The following MSL2 variants were observed in gnomAD, a reference collection of about 807,000 sequenced individuals.
The protein encoded by MSL2 is MSL complex subunit 2, also known as E3 ubiquitin-protein ligase MSL2.
Under a neutral mutation model 35.8 loss-of-function variants are expected in MSL2, and 2 were observed. That is an observed-to-expected ratio of 0.06 (90% CI 0.02 to 0.18). MSL2 has a LOEUF of 0.18. MSL2 is among the 10% of genes least tolerant of loss of function. The pLI is 1.00. For synonymous variants in MSL2, 296 were observed against 255.7 expected (o/e 1.16, Z -1.50); for missense variants, 523 against 706.7 (o/e 0.74, Z 2.95).
chr3:136,158,109 C>T (rs1353964713), intron 1 of MSL2, among the ~76,000 whole-genome samples: 2 of 152,002 alleles, frequency 1.3e-5, no homozygotes, highest in African/African-American at 4.8e-5. Context: ...GTGGGGAGTT[C>T]GAGACCAGCC....
intron 1 of MSL2, among the ~76,000 whole-genome samples, chr3:136,186,554 T>C (rs1447699269): frequency 1.3e-5 from 2 of 152,168 alleles, no homozygotes; most frequent in Non-Finnish European, 2.9e-5. Context: ...CTGTCAGATC[T>C]GCAGTGGCAT....
chr3:136,177,686 A>T (rs1299750610), intron 1 of MSL2, among the ~76,000 whole-genome samples: 3 of 150,816 alleles, frequency 2.0e-5, no homozygotes, highest in African/African-American at 7.3e-5. Context: ...CTCATAAAAA[A>T]AAAAAAAAAA....
chr3:136,152,232 T>C lies in MSL2; in HGVS notation c.649A>G (p.Thr217Ala), dbSNP rs1473024267. 3 of 1,614,170 alleles carry C rather than the reference T, an allele frequency of 1.9e-6. No individual in the cohort carries two copies. Among genetic ancestry groups the C allele is most frequent in the South Asian group, 2.2e-5 (2 of 91,082 alleles). ...TCAACAGTATTACATACGTCAATCG[T>C]ATTTGAATGTTCAGGTGAAGGAATA... ...INIPSPEHSNTIDVCNTVDIK... is the reference protein window; with the variant it reads ...INIPSPEHSNAIDVCNTVDIK... The change falls in exon 2 of 2, where the codon ACG becomes GCG. Residue 217 changes from threonine (T) to alanine (A), a missense_variant. Transcript: ENST00000309993.
chr3:136,159,501 C>T lies in MSL2; in HGVS notation c.143-6763G>A, dbSNP rs1240129037. Reference sequence around the variant, plus strand: ...GCCTCAGCCTCCCGAGTAGCTGGGACTACAGGCGCCCGCCACCACGCCCAG... The same window carrying T: ...GCCTCAGCCTCCCGAGTAGCTGGGATTACAGGCGCCCGCCACCACGCCCAG... On this transcript the variant is annotated intron_variant, in intron 1 of 1. Coordinates refer to ENST00000309993, the MANE Select transcript of MSL2 (RefSeq NM_018133.4). Among the ~76,000 whole-genome samples the T allele has an allele frequency of 5.3e-5, 8 of 149,822 alleles. No individual in the cohort carries two copies. In the South Asian group the frequency reaches 1.7e-3, roughly 31 times the overall value.
chr3:136,157,283 A>G (rs9865841), intron 1 of MSL2, among the ~76,000 whole-genome samples: 94,013 of 135,048 alleles, frequency 0.7, 31,689 homozygotes, highest in East Asian at 0.86. Flanking sequence ...AAGGCGGGCC[A>G]ATCACCTGAG....
rs893446714 is a variant in MSL2, at chr3:136,152,089, G to A, written c.792C>T (p.Asp264=). The A allele has an allele frequency of 1.2e-6, 2 of 1,614,032 alleles. No homozygotes were observed. The highest frequency in any genetic ancestry group is 2.7e-5 in the African/African-American group (2 of 74,928). Residue 264 remains aspartate, a synonymous_variant, in exon 2 of 2, where the codon GAC becomes GAT. Transcript: ENST00000309993. ...CSFSEDIKPG[D]SLLLSVEEVL... ...CTTCCTCAACACTCAGTAACAGAGA[G>A]TCTCCAGGTTTTATATCTTCACTGA... is the stretch of plus-strand genomic sequence containing the variant.
Position 136,150,746 on chromosome 3 carries a change from T to C in MSL2, c.*401A>G, listed in dbSNP as rs1052239361. ...GGCAGCACTGAGTTTCCTGAACTAA[T>C]GGCTACTTTTCCACAAAAAAATTAG... On this transcript the variant is annotated 3_prime_UTR_variant, in exon 2 of 2. Coordinates refer to ENST00000309993, the MANE Select transcript of MSL2 (RefSeq NM_018133.4). The C allele has an allele frequency of 5.6e-6, 1 of 179,970 alleles. No individual in the cohort carries two copies. The highest frequency in any genetic ancestry group is 2.4e-5 in the African/African-American group (1 of 42,338). 11.1% of individuals were successfully genotyped at this position (179,970 alleles called of 1,614,324 possible). A position where few individuals can be genotyped will look rare whatever the true frequency, so the allele number is the denominator to read the frequency against.
chr3:136,194,150 G>A (rs967281566), intron 1 of MSL2, among the ~76,000 whole-genome samples: 3 of 152,080 alleles, frequency 2.0e-5, no homozygotes, highest in Admixed American at 6.6e-5. Flanking sequence ...CCTTTCTTTT[G>A]TATTAACGTT....
chr3:136,194,964 CG>C lies in MSL2; in HGVS notation c.142+7del, dbSNP rs1940794640. ...GCATTGAAAAGGGAACAATAAAAAGCGTCTCACCGCAAACACAGCACGAAAG... is the reference window on the plus strand; with the variant it reads ...GCATTGAAAAGGGAACAATAAAAAGCTCTCACCGCAAACACAGCACGAAAG... On this transcript the variant is annotated splice_region_variant and intron_variant, in intron 1 of 1. Transcript: ENST00000309993. 1 of 1,613,362 alleles carries C rather than the reference CG, an allele frequency of 6.2e-7. No individual in the cohort carries two copies. Among genetic ancestry groups the C allele is most frequent in the Admixed American group, 1.7e-5 (1 of 59,690 alleles).
chr3:136,189,036 T>C (rs1940603218), intron 1 of MSL2, among the ~76,000 whole-genome samples: 1 of 148,182 alleles, frequency 6.7e-6, no homozygotes. Context: ...CTTTTATAGA[T>C]TTTTCTTAGG....
At chr3:136,189,643 G>A (rs1940627202) in intron 1 of MSL2, among the ~76,000 whole-genome samples, 1 of 149,988 alleles carries the variant, frequency 6.7e-6, no homozygotes, top group Non-Finnish European at 1.5e-5. Flanking sequence ...AGAATGGCGT[G>A]TACCCGGGAG....
Position 136,152,046 on chromosome 3 carries a change from T to G in MSL2, c.835A>C (p.Thr279Pro), listed in dbSNP as rs1450408192. The G allele has an allele frequency of 6.2e-7, 1 of 1,614,024 alleles. No homozygotes were observed. Among genetic ancestry groups the G allele is most frequent in the Non-Finnish European group, 8.5e-7 (1 of 1,180,046 alleles). Residue 279 changes from threonine to proline, a missense_variant, in exon 2 of 2, where the codon ACT becomes CCT. This residue lies in a region of MSL2 where 361 missense variants were observed against 414.6 expected (regional missense o/e 0.87). Coordinates refer to ENST00000309993, the MANE Select transcript of MSL2 (RefSeq NM_018133.4). ...SVEEVLRSLE[T>P]VSNTEVCCPN... ...CAACAGACCTCTGTATTTGAAACAG[T>G]TTCTAAGCTGCGGAGTACTTCCTCA...
Position 136,195,534 on chromosome 3 carries a change from C to G in MSL2, c.-421G>C, listed in dbSNP as rs1940813545. On this transcript the variant is annotated 5_prime_UTR_variant, in exon 1 of 2. Coordinates refer to ENST00000309993, the MANE Select transcript of MSL2 (RefSeq NM_018133.4). ...TGGCAGGCGCGGGAGCAGGCCCCGG[C>G]CCCGTCTGAGGCGCGGCACGCTTCT... The G allele has an allele frequency of 9.9e-7, 1 of 1,007,170 alleles. No individual in the cohort carries two copies. The highest frequency in any genetic ancestry group is 1.2e-6 in the Non-Finnish European group (1 of 844,286). The allele number at this position is 1,007,170 out of a possible 1,614,324, so 62.4% of individuals were successfully genotyped here.
intron 1 of MSL2, among the ~76,000 whole-genome samples, chr3:136,177,032 G>A (rs1227919433): frequency 6.6e-6 from 1 of 152,126 alleles, no homozygotes; most frequent in African/African-American, 2.4e-5. Flanking sequence ...GCCCAAGTCT[G>A]TTTTTCTTCT....
chr3:136,186,424 C>T (rs531095676), intron 1 of MSL2, among the ~76,000 whole-genome samples: 68 of 152,306 alleles, frequency 4.5e-4, no homozygotes, highest in Admixed American at 2.3e-3. Context: ...GGACAGGCTC[C>T]GGTCCTTGGC....
chr3:136,183,645 C>A (rs1207583309), intron 1 of MSL2, among the ~76,000 whole-genome samples: 1 of 152,054 alleles, frequency 6.6e-6, no homozygotes, highest in East Asian at 1.9e-4. Context: ...CTAGAAAAAT[C>A]AAAGTTATTA....
At chr3:136,187,936 T>C (rs1044125895) in intron 1 of MSL2, among the ~76,000 whole-genome samples, 5 of 151,984 alleles carry the variant, frequency 3.3e-5, no homozygotes, top group African/African-American at 1.2e-4. Context: ...CTGTAGAACA[T>C]ATTTTTTAAA....
chr3:136,175,643 G>A (rs1022815464), intron 1 of MSL2, among the ~76,000 whole-genome samples: 5 of 151,718 alleles, frequency 3.3e-5, no homozygotes, highest in East Asian at 1.9e-4. Flanking sequence ...AGCCATGATC[G>A]GATCACTGCA....
chr3:136,153,537 C>T (rs1046197971), intron 1 of MSL2, among the ~76,000 whole-genome samples: 3 of 152,168 alleles, frequency 2.0e-5, no homozygotes, highest in Non-Finnish European at 2.9e-5. Flanking sequence ...CCTATAATCC[C>T]AGCACTTTGG....
Sources: allele counts gnomAD v4.1 joint callset (sites outside exome capture counted in the v4.1 genomes callset), GRCh38; gene constraint gnomAD v4.1.1; regional missense constraint gnomAD v4.1.1; transcripts MANE v1.5; gene names NCBI Gene and HGNC (gene_info 2026-07-23, HGNC 2026-07-21).